The following COL4A1 variants were observed in gnomAD, a reference collection of about 807,000 sequenced individuals.
The protein encoded by COL4A1 is collagen type IV alpha 1 chain.
Under a neutral mutation model 216.6 loss-of-function variants are expected in COL4A1, and 40 were observed. The ratio of observed to expected loss-of-function variants is 0.18; its 90% confidence interval spans 0.14 to 0.24. COL4A1 has a LOEUF of 0.24. Ranked by LOEUF, COL4A1 falls within the 10% of genes least tolerant of loss-of-function variation. COL4A1 has a pLI of 1.00. For missense variants in COL4A1, 1,628 were observed against 2,196.8 expected (o/e 0.74, Z 5.18); for synonymous variants, 839 against 810.7 (o/e 1.03, Z -0.59).
chr13:110,174,350 C>T (rs1218177991), intron 39 of COL4A1, 96 bp downstream of exon 39: 3 of 1,373,934 alleles, frequency 2.2e-6, no homozygotes, highest in Non-Finnish European at 3.1e-6. Flanking sequence ...GCTGGCCTCC[C>T]TGCTCCCCGT....
intron 1 of COL4A1, among the ~76,000 whole-genome samples, chr13:110,248,472 G>C (rs1381206272): frequency 6.6e-6 from 1 of 152,186 alleles, no homozygotes; most frequent in Non-Finnish European, 1.5e-5. Context: ...CTCCAACTGA[G>C]GCAAGTTGGA....
chr13:110,191,598 G>A (rs1249303699), intron 24 of COL4A1: 1 of 666,822 alleles, frequency 1.5e-6, no homozygotes, highest in East Asian at 2.8e-5. Context: ...TCCATTGAAA[G>A]GTTTCATGTC....
chr13:110,233,512 T>C (rs569472774), intron 2 of COL4A1, among the ~76,000 whole-genome samples: 2 of 152,220 alleles, frequency 1.3e-5, no homozygotes, highest in East Asian at 1.9e-4. Flanking sequence ...ATGTTCCCCT[T>C]TGAATAATAG....
chr13:110,258,212 G>A (rs1281222650), intron 1 of COL4A1, among the ~76,000 whole-genome samples: 4 of 152,220 alleles, frequency 2.6e-5, no homozygotes, highest in South Asian at 2.1e-4. Flanking sequence ...CAGAAGTCAC[G>A]TGGAGCCAAA....
At chr13:110,301,048 T>C (rs1200095043) in intron 1 of COL4A1, among the ~76,000 whole-genome samples, 2 of 152,226 alleles carry the variant, frequency 1.3e-5, no homozygotes, top group Non-Finnish European at 2.9e-5. Flanking sequence ...CGGAATAAAC[T>C]ATTTACATAA....
chr13:110,169,924 GGAA>G (rs1877531077), intron 42 of COL4A1, among the ~76,000 whole-genome samples, 162 bp from the exon 43 acceptor site: 1 of 149,970 alleles, frequency 6.7e-6, no homozygotes, highest in African/African-American at 2.4e-5. Flanking sequence ...CAGGAAGGAA[GGAA>G]GGAGGGAGGG....
In COL4A1 at chr13:110,174,608, G is replaced by GC. The variant is rs751210011; in HGVS notation, c.3325+14dup. On this transcript the variant is annotated intron_variant, in intron 38 of 51. Coordinates refer to ENST00000375820, the MANE Select transcript of COL4A1 (RefSeq NM_001845.6). ...CTTAGATTCCCCAAGTCCAAGAGAAGCCCCCCTCACCTACCTGGATAGCCA... is the reference window on the plus strand; with the variant it reads ...CTTAGATTCCCCAAGTCCAAGAGAAGCCCCCCCTCACCTACCTGGATAGCCA... 3.1e-6 allele frequency: 5 copies of GC among 1,613,972 alleles called. No individual in the cohort carries two copies. Among genetic ancestry groups the GC allele is most frequent in the South Asian group, 2.2e-5 (2 of 91,088 alleles).
intron 1 of COL4A1, 124 bp from the exon 2 acceptor site, chr13:110,242,858 C>T: frequency 9.6e-7 from 1 of 1,042,092 alleles, no homozygotes; most frequent in Non-Finnish European, 1.5e-6. Flanking sequence ...CCTTCGGACA[C>T]AATCTTATCT....
chr13:110,300,719 A>G (rs1166791074), intron 1 of COL4A1, among the ~76,000 whole-genome samples: 1 of 152,248 alleles, frequency 6.6e-6, no homozygotes, highest in African/African-American at 2.4e-5. Flanking sequence ...CAGTGGCCAC[A>G]GTACACTAAG....
At chr13:110,181,239 A>G (rs1031171704) in intron 29 of COL4A1, 53 bp downstream of exon 29, 1 of 1,556,298 alleles carries the variant, frequency 6.4e-7, no homozygotes, top group Admixed American at 1.7e-5. Flanking sequence ...TTTCCATCCA[A>G]CTAATAACAA....
Position 110,155,268 on chromosome 13 carries a change from TC to T in COL4A1, c.4755+14del. The T allele has an allele frequency of 6.3e-7, 1 of 1,594,350 alleles. No individual in the cohort carries two copies. The highest frequency in any genetic ancestry group is 2.2e-5 in the East Asian group (1 of 44,786). On this transcript the variant is annotated intron_variant, in intron 50 of 51. Transcript: ENST00000375820. ...GGCTCTTCCCGGGAAATATGGCGTC[TC>T]CCCAGACACTTACCATCACAAAAGA...
At chr13:110,185,059 C>T (rs1353255759) in intron 26 of COL4A1, among the ~76,000 whole-genome samples, 1 of 152,234 alleles carries the variant, frequency 6.6e-6, no homozygotes, top group African/African-American at 2.4e-5. Flanking sequence ...ACATAATCAG[C>T]ACACTTGCGA....
chr13:110,158,939 C>T (rs9588105), intron 49 of COL4A1, among the ~76,000 whole-genome samples: 3 of 152,028 alleles, frequency 2.0e-5, no homozygotes, highest in East Asian at 1.9e-4. Flanking sequence ...GATGGGATTT[C>T]GCCATGCTGG....
intron 39 of COL4A1, among the ~76,000 whole-genome samples, chr13:110,174,208 CA>C (rs555042640): frequency 7.2e-4 from 110 of 152,270 alleles, no homozygotes; most frequent in East Asian, 1.7e-3. Flanking sequence ...AAGCTGGTGA[CA>C]AAAACTCCAT....
At chr13:110,274,522 A>G (rs1489177828) in intron 1 of COL4A1, among the ~76,000 whole-genome samples, 5 of 152,150 alleles carry the variant, frequency 3.3e-5, no homozygotes, top group Non-Finnish European at 7.4e-5. Flanking sequence ...ACACCTCTCA[A>G]TTCCTCCTGG....
At chr13:110,184,717 T>C (rs1878326644) in intron 26 of COL4A1, among the ~76,000 whole-genome samples, 1 of 151,856 alleles carries the variant, frequency 6.6e-6, no homozygotes, top group African/African-American at 2.4e-5. Context: ...GTTTGTTTGT[T>C]TGTTTGTTTT....
chr13:110,156,763 A>G (rs1224940147), intron 49 of COL4A1, among the ~76,000 whole-genome samples: 1 of 152,264 alleles, frequency 6.6e-6, no homozygotes, highest in Non-Finnish European at 1.5e-5. Flanking sequence ...ATGACTATAA[A>G]TGGTGTCAAT....
chr13:110,305,416 C>G (rs1384301233), intron 1 of COL4A1, among the ~76,000 whole-genome samples: 2 of 152,234 alleles, frequency 1.3e-5, no homozygotes. Context: ...CCAGCTCTTA[C>G]AGTTAGCTTT....
chr13:110,208,798 T>G (rs1244363652), intron 12 of COL4A1, 51 bp downstream of exon 12: 2 of 1,561,232 alleles, frequency 1.3e-6, no homozygotes, highest in East Asian at 2.2e-5. Flanking sequence ...AACTGTCAGG[T>G]GAGGACTGTG....
Sources: gnomAD v4.1 joint callset for allele counts (sites outside exome capture counted in the v4.1 genomes callset) on GRCh38, gnomAD v4.1.1 for gene constraint, MANE v1.5 for transcripts, NCBI Gene and HGNC (gene_info 2026-07-23, HGNC 2026-07-21) for gene names.